The following NCKAP1L variants were observed in gnomAD, a reference collection of about 807,000 sequenced individuals.
The protein encoded by NCKAP1L is nck-associated protein 1-like.
Under a neutral mutation model 139.2 loss-of-function variants are expected in NCKAP1L, and 53 were observed. The ratio of observed to expected loss-of-function variants is 0.38; its 90% CI spans 0.31 to 0.48. NCKAP1L has a LOEUF of 0.48. Ranked by LOEUF, NCKAP1L falls within the 20% of genes least tolerant of loss-of-function variation. NCKAP1L has a pLI of 0.98. For synonymous variants in NCKAP1L, 468 were observed against 499.7 expected (o/e 0.94, Z 0.85); for missense variants, 1,151 against 1,381.9 (o/e 0.83, Z 2.65).
chr12:54,541,890 C>T (rs1021420793), intron 30 of NCKAP1L, among the ~76,000 whole-genome samples: 2 of 152,064 alleles, frequency 1.3e-5, no homozygotes, highest in African/African-American at 2.4e-5. Context: ...TCCAGTCCAC[C>T]GCTAGGCTAT....
At chr12:54,529,321 T>A (rs1957050226) in intron 22 of NCKAP1L, among the ~76,000 whole-genome samples, 1 of 152,196 alleles carries the variant, frequency 6.6e-6, no homozygotes, top group African/African-American at 2.4e-5. Context: ...GTGTAGTGAA[T>A]GAGATGGGAA....
At chr12:54,509,548 A>G in intron 5 of NCKAP1L, 121 bp from the exon 6 acceptor site, 2 of 710,124 alleles carry the variant, frequency 2.8e-6, no homozygotes, top group Middle Eastern at 4.1e-4. Flanking sequence ...TGTAGTATGT[A>G]TATCTTTGGA....
chr12:54,516,159 C>T (rs962613490), intron 9 of NCKAP1L, 80 bp from the exon 10 acceptor site: 1 of 1,465,376 alleles, frequency 6.8e-7, no homozygotes. Flanking sequence ...ATAGGCTGGA[C>T]TCTCTGAGGA....
At chr12:54,506,513 G>C (rs1956839835) in intron 3 of NCKAP1L, among the ~76,000 whole-genome samples, 1 of 151,298 alleles carries the variant, frequency 6.6e-6, no homozygotes. Flanking sequence ...TGCAACCTCT[G>C]CCTCCCAGGC....
Position 54,531,538 on chromosome 12 carries a change from C to T in NCKAP1L, c.2652C>T (p.Asn884=), listed in dbSNP as rs921339001. The T allele has an allele frequency of 1.2e-6, 2 of 1,614,212 alleles. No homozygotes were observed. The highest frequency in any genetic ancestry group is 1.7e-6 in the Non-Finnish European group (2 of 1,180,046). Residue 884 remains asparagine (N), a synonymous_variant, in exon 24 of 31, where the codon AAC becomes AAT. Coordinates refer to ENST00000293373, the MANE Select transcript of NCKAP1L (RefSeq NM_005337.5). ...ACATACTTGTTCAGATCAGATCCAA[C>T]TTTAGCAAGCCGGACTTGATGGCTT... The part of the protein sequence containing the change: ...NMDILVQIRS[N]FSKPDLMASL...
intron 3 of NCKAP1L, among the ~76,000 whole-genome samples, chr12:54,501,089 C>T (rs1956794557): frequency 6.6e-6 from 1 of 152,160 alleles, no homozygotes; most frequent in Admixed American, 6.5e-5. Context: ...CTGAAACTCT[C>T]TACCCTTTAT....
chr12:54,519,609 T>A (rs1406208290), intron 16 of NCKAP1L, among the ~76,000 whole-genome samples: 1 of 151,994 alleles, frequency 6.6e-6, no homozygotes, highest in Non-Finnish European at 1.5e-5. Flanking sequence ...TTGCCTGGCC[T>A]CTGCGGAGGA....
At chr12:54,525,590 G>A (rs1375402216) in intron 20 of NCKAP1L, among the ~76,000 whole-genome samples, 1 of 152,124 alleles carries the variant, frequency 6.6e-6, no homozygotes, top group East Asian at 1.9e-4. Context: ...AAGCCCTAAG[G>A]TTGGCCTAGA....
chr12:54,523,312 G>A (rs893839885), intron 18 of NCKAP1L, 82 bp from the exon 19 acceptor site: 3 of 1,481,138 alleles, frequency 2.0e-6, no homozygotes, highest in Non-Finnish European at 2.7e-6. Context: ...AGACAACAAT[G>A]GACAACAACC....
chr12:54,514,429 C>G (rs1432762898), intron 9 of NCKAP1L, among the ~76,000 whole-genome samples: 2 of 151,996 alleles, frequency 1.3e-5, no homozygotes, highest in African/African-American at 4.8e-5. Flanking sequence ...TCAAGCGCTT[C>G]TCCTGTTTCA....
At chr12:54,505,539 T>C (rs749173088) in intron 3 of NCKAP1L, among the ~76,000 whole-genome samples, 16 of 151,966 alleles carry the variant, frequency 1.1e-4, no homozygotes, top group Admixed American at 8.5e-4. Context: ...TTTTCTTTTC[T>C]AGCAGTTCAA....
chr12:54,528,211 G>A (rs2120947725), intron 21 of NCKAP1L, 36 bp from the exon 22 acceptor site: 1 of 1,608,360 alleles, frequency 6.2e-7, no homozygotes, highest in Admixed American at 1.7e-5. Flanking sequence ...AGAAGGGATT[G>A]GATCCTAATC....
intron 26 of NCKAP1L, among the ~76,000 whole-genome samples, chr12:54,533,112 T>A (rs1177856625): frequency 6.6e-6 from 1 of 152,214 alleles, no homozygotes; most frequent in East Asian, 1.9e-4. Flanking sequence ...GTGGGGGCAG[T>A]GAGGGGGCAG....
At position 54,500,530 on chromosome 12, in the gene NCKAP1L, C is replaced by A; in HGVS notation, c.214-3C>A. 2 of 1,601,820 alleles carry A rather than the reference C, an allele frequency of 1.2e-6. No individual in the cohort carries two copies. The highest frequency in any genetic ancestry group is 8.6e-7 in the Non-Finnish European group (1 of 1,169,036). On this transcript the variant is annotated splice_polypyrimidine_tract_variant and splice_region_variant and intron_variant, in intron 2 of 30. Coordinates refer to ENST00000293373, the MANE Select transcript of NCKAP1L (RefSeq NM_005337.5). ...TTATTGTTTTGTTTTGTGTTTCTCT[C>A]AGCAACATTTAGGACCAGTACATCG...
intron 19 of NCKAP1L, 110 bp downstream of exon 19, chr12:54,523,649 G>A (rs1358216054): frequency 1.4e-6 from 2 of 1,465,958 alleles, no homozygotes; most frequent in African/African-American, 2.8e-5. Flanking sequence ...GGTGGGGAAT[G>A]AGGGGCATGG....
chr12:54,524,918 T>C (rs1053947479), intron 20 of NCKAP1L, among the ~76,000 whole-genome samples: 14 of 151,990 alleles, frequency 9.2e-5, no homozygotes, highest in African/African-American at 3.1e-4. Context: ...AACAATTGAG[T>C]AAACCTGTGA....
rs202135314 is a variant in NCKAP1L, at chr12:54,518,710, C to T, written c.1398C>T (p.Leu466=). The T allele has an allele frequency of 9.9e-6, 16 of 1,613,848 alleles. No homozygotes were observed. In the East Asian group the frequency reaches 3.1e-4, roughly 31 times the overall value. Residue 466 remains leucine, a synonymous_variant, in exon 14 of 31, where the codon CTC becomes CTT. Coordinates refer to ENST00000293373, the MANE Select transcript of NCKAP1L (RefSeq NM_005337.5). ...TCATGTCCTCATTCGTCAGTATCCTCTCCTCTCTGAATCTCAAACAAGGTA... is the reference window on the plus strand; with the variant it reads ...TCATGTCCTCATTCGTCAGTATCCTTTCCTCTCTGAATCTCAAACAAGGTA... ...SIIMSSFVSI[L]SSLNLKQVDN...
At chr12:54,538,735 A>G in intron 29 of NCKAP1L, 149 bp from the exon 30 acceptor site, 1 of 620,334 alleles carries the variant, frequency 1.6e-6, no homozygotes, top group Non-Finnish European at 2.9e-6. Context: ...TCTGAAACCT[A>G]GGAGATTTGC....
At chr12:54,524,252 C>T (rs1957009366) in intron 20 of NCKAP1L, among the ~76,000 whole-genome samples, 2 of 152,192 alleles carry the variant, frequency 1.3e-5, no homozygotes, top group South Asian at 4.1e-4. Context: ...GTGTTGACAA[C>T]CTGGTCATTA....
Sources: gnomAD v4.1 joint callset for allele counts (sites outside exome capture counted in the v4.1 genomes callset) on GRCh38, gnomAD v4.1.1 for gene constraint, MANE v1.5 for transcripts, NCBI Gene and HGNC (gene_info 2026-07-23, HGNC 2026-07-21) for gene names.